Variants in COLEC10 observed in about 807,000 individuals in gnomAD.
The protein encoded by COLEC10 is collectin subfamily member 10.
COLEC10 carries 22 observed loss-of-function variants against 28.4 expected under a neutral mutation model. The ratio of observed to expected loss-of-function variants is 0.78; its 90% CI spans 0.55 to 1.11. The LOEUF is 1.11. COLEC10 is among the 50% of genes least tolerant of loss of function. The pLI is 0.00. For synonymous variants in COLEC10, 125 were observed against 116.1 expected, an observed-to-expected ratio of 1.08 and a Z score of -0.49; for missense variants, 361 against 344.1, an observed-to-expected ratio of 1.05 and a Z score of -0.39.
chr8:119,064,811 T>G (rs1027689103), upstream of COLEC10, among the ~76,000 whole-genome samples: 1 of 152,124 alleles, frequency 6.6e-6, no homozygotes, highest in Non-Finnish European at 1.5e-5. Context: ...TTTTTTTTTT[T>G]GGTCACTTTT....
chr8:119,019,070 T>A (rs948897810), intron 2 of COLEC10, among the ~76,000 whole-genome samples: 1 of 152,172 alleles, frequency 6.6e-6, no homozygotes. Context: ...ATCCAACAAC[T>A]CCCAGAGCTC....
chr8:119,078,261 A>G (rs1042950607), intron 1 of COLEC10, among the ~76,000 whole-genome samples: 6 of 152,198 alleles, frequency 3.9e-5, no homozygotes, highest in Admixed American at 2.0e-4. Context: ...TAATTTTCAT[A>G]GTTATTTTGC....
chr8:119,073,280 A>G lies in COLEC10; in HGVS notation c.148+5851A>G, dbSNP rs369721465. The stretch of plus-strand genomic sequence containing the variant: ...TGTTACATCATTTTCCTCACCTTAT[A>G]TCTTTCTCATTAAGCATAAAATGAT... On this transcript the variant is annotated intron_variant, in intron 1 of 5. Transcript: ENST00000332843. Among the ~76,000 whole-genome samples the G allele has an allele frequency of 1.8e-4, 28 of 152,292 alleles. No homozygotes were observed. In the East Asian group the frequency reaches 3.3e-3, roughly 18 times the overall value.
At position 119,093,379 on chromosome 8, in the gene COLEC10, C is replaced by T. The variant is rs1479947144; in HGVS notation, c.292+2159C>T. On this transcript the variant is annotated intron_variant, in intron 3 of 5. Coordinates refer to ENST00000332843, the MANE Select transcript of COLEC10 (RefSeq NM_006438.5). ...GGGCAGTGCCACTGAAGAGAAATTG[C>T]TATGGGTGTCTCAGATCTGGTGGGT... Among the ~76,000 whole-genome samples the T allele has an allele frequency of 5.9e-5, 9 of 152,154 alleles. No individual in the cohort carries two copies. The East Asian group carries it at 1.7e-3, about 29-fold the overall frequency.
At chr8:119,022,999 C>T (rs1428081952) in intron 2 of COLEC10, among the ~76,000 whole-genome samples, 2 of 152,146 alleles carry the variant, frequency 1.3e-5, no homozygotes, top group South Asian at 4.1e-4. Context: ...GCACTGCTTA[C>T]TTACTCCACT....
At chr8:119,102,460 A>C in intron 4 of COLEC10, 59 bp downstream of exon 4, 2 of 1,314,646 alleles carry the variant, frequency 1.5e-6, no homozygotes, top group Non-Finnish European at 2.2e-6. Flanking sequence ...TATTCATCTC[A>C]AAAATAAATA....
the COLEC10 span, among the ~76,000 whole-genome samples, chr8:118,958,679 A>G: frequency 6.6e-6 from 1 of 152,256 alleles, no homozygotes; most frequent in East Asian, 1.9e-4. Context: ...GATTTGGAAT[A>G]CGATGAGACC....
the COLEC10 span, among the ~76,000 whole-genome samples, chr8:118,980,703 A>G: frequency 6.6e-6 from 1 of 152,096 alleles, no homozygotes; most frequent in South Asian, 2.1e-4. Flanking sequence ...CCATATACTT[A>G]GAAATGAAAT....
intron 3 of COLEC10, among the ~76,000 whole-genome samples, chr8:119,099,585 G>T (rs1179993022): frequency 6.7e-6 from 1 of 150,242 alleles, no homozygotes; most frequent in African/African-American, 2.4e-5. Flanking sequence ...ATCTTTCATT[G>T]CACCACACTG....
At chr8:119,063,051 T>C (rs929147688), upstream of COLEC10, 3 of 152,220 alleles carry the variant, frequency 2.0e-5, no homozygotes. Context: ...GTCATTGTAC[T>C]GTTATGCTGT....
rs778608458 is a variant in COLEC10 at position 119,103,915 on chromosome 8, T to C, written c.442+20T>C. 6.8e-7 allele frequency: 1 copy of C among 1,470,884 alleles called. No individual in the cohort carries two copies. The allele number at this position is 1,470,884 out of a possible 1,614,324, so 91.1% of individuals were successfully genotyped here. ...AGAATGGTGAGCATATTCTCTTTTG[T>C]GTTATGTATCTATTGATAGATCTCC... On this transcript the variant is annotated intron_variant, in intron 5 of 5. Transcript: ENST00000332843.
At chr8:119,105,669 C>G (rs2130312316) in intron 5 of COLEC10, 131 bp from the exon 6 acceptor site, 1 of 834,176 alleles carries the variant, frequency 1.2e-6, no homozygotes, top group South Asian at 1.9e-5. Flanking sequence ...CTGTGACTAC[C>G]TCATAATAGG....
chr8:119,006,803 A>G (rs1813808268), intron 1 of COLEC10, among the ~76,000 whole-genome samples: 1 of 152,002 alleles, frequency 6.6e-6, no homozygotes, highest in Admixed American at 6.6e-5. Context: ...ACTAATTTGC[A>G]TCTCCACTGG....
intron 2 of COLEC10, among the ~76,000 whole-genome samples, chr8:119,056,362 G>T (rs2130187000): frequency 6.6e-6 from 1 of 152,088 alleles, no homozygotes; most frequent in South Asian, 2.1e-4. Flanking sequence ...AGATGAAAGT[G>T]GATTTTACCC....
chr8:119,058,472 G>A (rs900962628), intron 2 of COLEC10, among the ~76,000 whole-genome samples: 3 of 151,912 alleles, frequency 2.0e-5, no homozygotes, highest in Non-Finnish European at 1.5e-5. Flanking sequence ...TATGTGTAGA[G>A]GGTTCTCCTT....
chr8:118,963,796 C>T, the COLEC10 span, among the ~76,000 whole-genome samples: 1 of 152,002 alleles, frequency 6.6e-6, no homozygotes, highest in Admixed American at 6.6e-5. Context: ...GCCTTTTTCA[C>T]CTTTGTATTC....
intron 1 of COLEC10, among the ~76,000 whole-genome samples, chr8:119,070,466 T>G (rs1815084274): frequency 7.6e-6 from 1 of 132,270 alleles, no homozygotes; most frequent in Non-Finnish European, 1.6e-5. Flanking sequence ...TCTCTCTCTC[T>G]CTCTCTCTCT....
At chr8:119,103,625 A>G (rs763437233) in intron 4 of COLEC10, among the ~76,000 whole-genome samples, 175 bp from the exon 5 acceptor site, 4 of 152,218 alleles carry the variant, frequency 2.6e-5, no homozygotes, top group South Asian at 2.1e-4. Context: ...CTGAAATTCT[A>G]TAAATAATGT....
intron 1 of COLEC10, among the ~76,000 whole-genome samples, chr8:119,005,606 T>C (rs948382427): frequency 5.3e-5 from 8 of 152,134 alleles, no homozygotes; most frequent in African/African-American, 1.9e-4. Context: ...CCCAAATAAA[T>C]TACCTTTATG....
Sources: gnomAD v4.1 joint callset for allele counts (sites outside exome capture counted in the v4.1 genomes callset) on GRCh38, gnomAD v4.1.1 for gene constraint, MANE v1.5 for transcripts, NCBI Gene and HGNC (gene_info 2026-07-23, HGNC 2026-07-21) for gene names.